Variants in OR9Q1 observed in about 807,000 individuals in gnomAD.
OR9Q1 encodes the protein olfactory receptor 9Q1.
For synonymous variants in OR9Q1, 153 were observed against 148.6 expected, an observed-to-expected ratio of 1.03 and a Z score of -0.22; for missense variants, 374 against 378.8, an observed-to-expected ratio of 0.99 and a Z score of 0.11.
chr11:58,045,148 C>G (rs1187444132), intron 1 of OR9Q1: 1 of 152,154 alleles, frequency 6.6e-6, no homozygotes, highest in Non-Finnish European at 1.5e-5. Flanking sequence ...ATTTCAAAAT[C>G]TGAAAAAATC....
At chr11:58,034,636 C>T (rs180808315) in intron 1 of OR9Q1, among the ~76,000 whole-genome samples, 26 of 152,030 alleles carry the variant, frequency 1.7e-4, no homozygotes, top group African/African-American at 6.3e-4. Flanking sequence ...TTGTCTAGAG[C>T]CTTCTTGTTA....
chr11:58,120,958 A>G (rs1284982454), intron 2 of OR9Q1, among the ~76,000 whole-genome samples: 1 of 151,868 alleles, frequency 6.6e-6, no homozygotes, highest in Non-Finnish European at 1.5e-5. Flanking sequence ...TATCCCATTC[A>G]TATGGGAATG....
chr11:58,141,729 G>A (rs773937029), intron 2 of OR9Q1, among the ~76,000 whole-genome samples: 9 of 152,116 alleles, frequency 5.9e-5, no homozygotes, highest in Non-Finnish European at 1.3e-4. Context: ...ACTTGTACAA[G>A]GTCACACAAA....
chr11:58,113,700 T>G (rs1245321751), intron 2 of OR9Q1, among the ~76,000 whole-genome samples: 8 of 152,162 alleles, frequency 5.3e-5, no homozygotes, highest in Non-Finnish European at 1.2e-4. Flanking sequence ...ACTTGACATA[T>G]TTGTTCCTGA....
intron 2 of OR9Q1, among the ~76,000 whole-genome samples, chr11:58,110,909 T>C (rs1425232263): frequency 1.3e-5 from 2 of 152,088 alleles, no homozygotes; most frequent in East Asian, 3.9e-4. Flanking sequence ...CATCAGCAAT[T>C]GCAAGACTCA....
At chr11:58,030,691 A>T (rs1853022837) in intron 1 of OR9Q1, among the ~76,000 whole-genome samples, 1 of 152,160 alleles carries the variant, frequency 6.6e-6, no homozygotes, top group Non-Finnish European at 1.5e-5. Context: ...ATTTCTCAAG[A>T]CTGGTTGAGC....
At position 58,065,855 on chromosome 11, in the gene OR9Q1, G is replaced by A. The variant is rs530787425; in HGVS notation, c.-15+9908G>A. On this transcript the variant is annotated intron_variant, in intron 2 of 2. Coordinates refer to ENST00000335397, the MANE Select transcript of OR9Q1 (RefSeq NM_001005212.4). ...AACAGACCCTCTAATGCTCAGGTGC[G>A]TGTTCCTACTGCCGGGTCTTGGCAC... Among the ~76,000 whole-genome samples the A allele has an allele frequency of 4.5e-4, 69 of 152,300 alleles. 1 individual carries two copies. Among genetic ancestry groups the A allele is most frequent in the African/African-American group, 8.2e-4 (34 of 41,560 alleles).
At chr11:58,100,607 A>G (rs1028366439) in intron 2 of OR9Q1, among the ~76,000 whole-genome samples, 1 of 151,914 alleles carries the variant, frequency 6.6e-6, no homozygotes, top group East Asian at 1.9e-4. Flanking sequence ...TTTCTTTTAT[A>G]TTTATATTTA....
At chr11:58,103,369 T>G (rs1422560583) in intron 2 of OR9Q1, among the ~76,000 whole-genome samples, 1 of 152,160 alleles carries the variant, frequency 6.6e-6, no homozygotes, top group East Asian at 1.9e-4. Flanking sequence ...TTATGGGAAT[T>G]ACAAGTTCAA....
At chr11:58,060,602 C>CA (rs1853371006) in intron 2 of OR9Q1, among the ~76,000 whole-genome samples, 1 of 151,904 alleles carries the variant, frequency 6.6e-6, no homozygotes, top group African/African-American at 2.4e-5. Flanking sequence ...TGTTTATCAG[C>CA]AAAAAATATT....
intron 1 of OR9Q1, among the ~76,000 whole-genome samples, chr11:58,037,689 A>ATAG (rs1853119570): frequency 7.1e-4 from 5 of 7,000 alleles, no homozygotes; most frequent in African/African-American, 8.7e-4. Flanking sequence ...ATATATATAT[A>ATAG]TTTTTTTTTT....
intron 2 of OR9Q1, among the ~76,000 whole-genome samples, chr11:58,111,545 T>C (rs1853899154): frequency 6.6e-6 from 1 of 152,250 alleles, no homozygotes; most frequent in Non-Finnish European, 1.5e-5. Flanking sequence ...TTCAAATCTC[T>C]TCAAAAGAGA....
chr11:58,028,302 C>T (rs1434285615), intron 1 of OR9Q1, among the ~76,000 whole-genome samples: 1 of 152,154 alleles, frequency 6.6e-6, no homozygotes, highest in African/African-American at 2.4e-5. Context: ...GCTTGACCTG[C>T]ATACAAGTTT....
chr11:58,171,985 G>C (rs890990364), intron 2 of OR9Q1, among the ~76,000 whole-genome samples: 7 of 152,134 alleles, frequency 4.6e-5, no homozygotes, highest in African/African-American at 1.7e-4. Flanking sequence ...CTTATGTAAT[G>C]ACAGCGACAG....
chr11:58,057,415 C>G (rs933726835), intron 2 of OR9Q1, among the ~76,000 whole-genome samples: 4 of 152,138 alleles, frequency 2.6e-5, no homozygotes, highest in African/African-American at 4.8e-5. Flanking sequence ...GTGTTCTTCT[C>G]TTGGTGTTGT....
chr11:58,046,241 C>G (rs529875284), intron 1 of OR9Q1, among the ~76,000 whole-genome samples: 1 of 152,152 alleles, frequency 6.6e-6, no homozygotes, highest in South Asian at 2.1e-4. Flanking sequence ...CCCTGGAACT[C>G]TATTCTGCTT....
intron 2 of OR9Q1, 143 bp from the exon 3 acceptor site, chr11:58,179,288 T>A: frequency 5.1e-6 from 2 of 389,008 alleles, no homozygotes; most frequent in Non-Finnish European, 8.6e-6. Flanking sequence ...GCTTCCAAAG[T>A]GCTGATATTA....
chr11:58,073,883 A>T (rs1853513854), intron 2 of OR9Q1, among the ~76,000 whole-genome samples: 1 of 152,098 alleles, frequency 6.6e-6, no homozygotes, highest in Admixed American at 6.5e-5. Context: ...ACACCTACTT[A>T]TGAGTGAGAA....
intron 1 of OR9Q1, among the ~76,000 whole-genome samples, chr11:58,030,554 T>A (rs1031233681): frequency 6.6e-6 from 1 of 152,210 alleles, no homozygotes; most frequent in Non-Finnish European, 1.5e-5. Context: ...GTTTCCCCAA[T>A]GCACAATCTC....
Sources: gnomAD v4.1 joint callset for allele counts (sites outside exome capture counted in the v4.1 genomes callset) on GRCh38, gnomAD v4.1.1 for gene constraint, MANE v1.5 for transcripts, NCBI Gene and HGNC (gene_info 2026-07-23, HGNC 2026-07-21) for gene names.